Variants in NT5C1B observed in about 807,000 individuals in gnomAD.
NT5C1B encodes the protein 5'-nucleotidase, cytosolic IB.
A neutral mutation model predicts 57.8 loss-of-function variants in NT5C1B; 44 were observed. That is an observed-to-expected ratio of 0.76 (90% CI 0.60 to 0.98). The LOEUF (loss-of-function observed/expected upper bound fraction) is 0.98. Ranked by LOEUF, NT5C1B falls within the 50% of genes least tolerant of loss-of-function variation. The probability of loss-of-function intolerance (pLI) is 0.00; values close to 1 mark genes in which losing one functional copy is unlikely to be tolerated. For synonymous variants in NT5C1B, 284 were observed against 282.6 expected, an observed-to-expected ratio of 1.00 and a Z score of -0.05; for missense variants, 742 against 719.5, an observed-to-expected ratio of 1.03 and a Z score of -0.36.
chr2:18,575,739 C>A (rs977988556), intron 8 of NT5C1B, among the ~76,000 whole-genome samples: 8 of 152,144 alleles, frequency 5.3e-5, no homozygotes, highest in African/African-American at 1.9e-4. Context: ...GATTCAAGTT[C>A]TTAGTTGTGC....
At position 18,584,664 on chromosome 2, in the gene NT5C1B, C is replaced by A. The variant is rs902602736; in HGVS notation, c.573G>T (p.Gly191=). ...CCAGCTGGGTGGAGGCGGGGTAGAT[C>A]CCCCTGCGCTGGCTGGAGGACTTCC... is the stretch of plus-strand genomic sequence containing the variant. The change falls in exon 4 of 9, where the codon GGG becomes GGT. Residue 191 remains glycine, a synonymous_variant. Coordinates refer to ENST00000304081, the Ensembl canonical transcript of NT5C1B. This position sits in a 1 kb window ranked among gnomAD's most constrained non-coding sequence, Gnocchi z 5.8. 6.2e-7 allele frequency: 1 copy of A among 1,612,060 alleles called. No individual in the cohort carries two copies. The highest frequency in any genetic ancestry group is 1.3e-5 in the African/African-American group (1 of 74,880).
intron 1 of NT5C1B, among the ~76,000 whole-genome samples, chr2:18,588,431 C>T (rs1666920614): frequency 6.6e-6 from 1 of 152,132 alleles, no homozygotes; most frequent in South Asian, 2.1e-4. Context: ...GTCTTGCATG[C>T]AGGAAAAATC....
In NT5C1B at chr2:18,586,248, C is replaced by T. The variant is rs1558389841; in HGVS notation, c.258+6G>A. ...ATCTACTACTCCCTTTCATCTTTAC[C>T]TCTACCTTAGCACTGGTGTTCCTGC... On this transcript the variant is annotated splice_donor_region_variant and intron_variant, in intron 3 of 8. Coordinates refer to ENST00000304081, the Ensembl canonical transcript of NT5C1B. 2 of 1,612,662 alleles carry T rather than the reference C, an allele frequency of 1.2e-6. No homozygotes were observed. The highest frequency in any genetic ancestry group is 1.1e-5 in the South Asian group (1 of 90,748).
At chr2:18,581,992 G>A (rs1328761648) in intron 6 of NT5C1B, among the ~76,000 whole-genome samples, 1 of 152,160 alleles carries the variant, frequency 6.6e-6, no homozygotes, top group Non-Finnish European at 1.5e-5. Flanking sequence ...GTGAGGGATA[G>A]ATAGACCTCA....
chr2:18,588,120 T>C (rs996404155), intron 1 of NT5C1B, among the ~76,000 whole-genome samples: 4 of 152,328 alleles, frequency 2.6e-5, no homozygotes, highest in Non-Finnish European at 5.9e-5. Flanking sequence ...GTTCCTATCA[T>C]TTAATTACTC....
chr2:18,587,723 G>A, intron 1 of NT5C1B, 131 bp from the exon 2 acceptor site: 1 of 965,152 alleles, frequency 1.0e-6, no homozygotes, highest in Non-Finnish European at 1.5e-6. Context: ...ATAAACTCTA[G>A]ACCTTAGTTT....
chr2:18,585,172 ACTGT>A, intron 3 of NT5C1B, 194 bp from the exon 4 acceptor site: 1 of 819,324 alleles, frequency 1.2e-6, no homozygotes, highest in Non-Finnish European at 2.1e-6. Context: ...AGACACAGAG[ACTGT>A]CTGCTTTCAT....
exon 8 of NT5C1B, chr2:18,576,285 C>T: frequency 6.2e-7 from 1 of 1,613,842 alleles, no homozygotes; most frequent in Non-Finnish European, 8.5e-7. Context: ...AAGAGGACAG[C>T]ATCCCCATCA....
At chr2:18,564,238 G>T (rs760806178) in intron 8 of NT5C1B, 119 bp from the exon 9 acceptor site, 5 of 1,194,182 alleles carry the variant, frequency 4.2e-6, no homozygotes, top group Admixed American at 6.2e-5. Context: ...ATGACATGCA[G>T]TGTTATGAAG....
At chr2:18,571,932 A>G (rs1665226893) in intron 8 of NT5C1B, among the ~76,000 whole-genome samples, 1 of 150,686 alleles carries the variant, frequency 6.6e-6, no homozygotes, top group Non-Finnish European at 1.5e-5. Flanking sequence ...CTAAAAATAC[A>G]AAAATTAACT....
chr2:18,586,946 G>T (rs1666767294), intron 2 of NT5C1B: 2 of 1,613,592 alleles, frequency 1.2e-6, no homozygotes, highest in African/African-American at 2.7e-5. Context: ...CCCTCACCCA[G>T]GTTGTCTGTG....
intron 7 of NT5C1B, 42 bp downstream of exon 7, chr2:18,576,731 T>C: frequency 6.2e-7 from 1 of 1,609,352 alleles, no homozygotes; most frequent in Non-Finnish European, 8.5e-7. Context: ...ACCATTAGTG[T>C]AAACCTCTTT....
At chr2:18,563,009 C>T (rs78519257) in exon 9 of NT5C1B, 1 of 150,566 alleles carries the variant, frequency 6.6e-6, no homozygotes, top group East Asian at 1.9e-4. Flanking sequence ...GAGAGAATGA[C>T]AATGAAGGGC....
chr2:18,587,159 G>A, intron 2 of NT5C1B: 2 of 1,613,348 alleles, frequency 1.2e-6, no homozygotes, highest in South Asian at 1.1e-5. Flanking sequence ...GATTCGGATT[G>A]ACTGCACGCC....
At position 18,584,240 on chromosome 2, in the gene NT5C1B, C is replaced by T. The variant is rs778608080; in HGVS notation, c.739G>A (p.Ala247Thr). 9 of 1,613,638 alleles carry T rather than the reference C, an allele frequency of 5.6e-6. No individual in the cohort carries two copies. The highest frequency in any genetic ancestry group is 7.6e-6 in the Non-Finnish European group (9 of 1,179,760). ...CAGGATGAGAGAGCAATGGTGATGG[C>T]GTTCTTGGGTTTGGGCTGCAGAGAG... The change falls in exon 5 of 9, where the codon GCC becomes ACC. Residue 247 changes from alanine (A) to threonine (T), a missense_variant. Ala to Thr is a moderately conservative substitution (Grantham distance 58). Transcript: ENST00000304081. The surrounding 1 kb of genome is among the most constrained non-coding windows in gnomAD (Gnocchi z 5.8).
chr2:18,583,029 A>C lies in NT5C1B; in HGVS notation c.892-32T>G, dbSNP rs778220152. On this transcript the variant is annotated intron_variant, in intron 5 of 8. Transcript: ENST00000304081. ...GTTACAAACATGAATGTGTGTAAAG[A>C]GGGGCAGGCAGGGTGGATCTGGGGA... 4.4e-6 allele frequency: 7 copies of C among 1,601,454 alleles called. No individual in the cohort carries two copies. In the South Asian group the frequency reaches 4.5e-5, roughly 10 times the overall value.
chr2:18,563,634 G>A (rs1417203467), exon 9 of NT5C1B: 2 of 654,322 alleles, frequency 3.1e-6, no homozygotes, highest in Non-Finnish European at 4.8e-6. Flanking sequence ...ATGGTAACTT[G>A]AGGGTTCAAA....
chr2:18,584,037 C>T lies in NT5C1B; in HGVS notation c.891+51G>A. 6.2e-7 allele frequency: 1 copy of T among 1,614,044 alleles called. No homozygotes were observed. The highest frequency in any genetic ancestry group is 1.1e-5 in the South Asian group (1 of 91,060). The stretch of plus-strand genomic sequence containing the variant: ...GCCCTCCCAAGGGTTGGCCTGGGTC[C>T]CTCCCTCGCCATCGAGTGTCCTGGC... On this transcript the variant is annotated intron_variant, in intron 5 of 8. Transcript: ENST00000304081. This position sits in a 1 kb window ranked among gnomAD's most constrained non-coding sequence, Gnocchi z 5.8.
At chr2:18,565,188 C>T (rs530595600) in intron 8 of NT5C1B, among the ~76,000 whole-genome samples, 7 of 152,200 alleles carry the variant, frequency 4.6e-5, no homozygotes, top group Non-Finnish European at 8.8e-5. Context: ...GACCTTCTTT[C>T]CCCATATTTT....
Sources: gnomAD v4.1 joint callset for allele counts (sites outside exome capture counted in the v4.1 genomes callset) on GRCh38, gnomAD v4.1.1 for gene constraint, Gnocchi (gnomAD v3.1) non-coding constraint, MANE v1.5 for transcripts, NCBI Gene and HGNC (gene_info 2026-07-23, HGNC 2026-07-21) for gene names.